BNC2: variants seen among roughly 807,000 people sequenced by gnomAD.
BNC2 encodes the protein basonuclin zinc finger protein 2.
BNC2 carries 20 observed loss-of-function variants against 76.3 expected under a neutral mutation model. That is an observed-to-expected ratio of 0.26 (90% CI 0.18 to 0.38). The LOEUF (loss-of-function observed/expected upper bound fraction) is 0.38. BNC2 is among the 10% of genes least tolerant of loss of function. The pLI, the probability that BNC2 is intolerant of heterozygous loss-of-function variation, is 1.00. For synonymous variants in BNC2, 582 were observed against 514.8 expected (o/e 1.13, Z -1.77); for missense variants, 1,382 against 1,399.8 (o/e 0.99, Z 0.20).
chr9:16,631,694 TA>T (rs1821166349), intron 3 of BNC2, among the ~76,000 whole-genome samples: 1 of 152,108 alleles, frequency 6.6e-6, no homozygotes, highest in Admixed American at 6.6e-5. Flanking sequence ...TGAACAAATA[TA>T]AGGAAAAGCA....
At chr9:16,476,413 T>C (rs1239164739) in intron 5 of BNC2, among the ~76,000 whole-genome samples, 3 of 152,146 alleles carry the variant, frequency 2.0e-5, no homozygotes, top group African/African-American at 7.2e-5. Flanking sequence ...CAGGCCATGC[T>C]TCTCCAAGTA....
intron 5 of BNC2, among the ~76,000 whole-genome samples, chr9:16,501,533 CA>C (rs1822517532): frequency 6.6e-6 from 1 of 152,144 alleles, no homozygotes; most frequent in East Asian, 1.9e-4. Context: ...ACCTTAGAGT[CA>C]GATGACTTCA....
At chr9:16,833,131 G>A (rs1416010356) in intron 1 of BNC2, among the ~76,000 whole-genome samples, 2 of 151,968 alleles carry the variant, frequency 1.3e-5, no homozygotes, top group Non-Finnish European at 2.9e-5. Context: ...AAACCCTCAG[G>A]AAAGTGATAT....
Position 16,416,380 on chromosome 9 carries a change from C to T in BNC2, c.*2609G>A, listed in dbSNP as rs1820584491. On this transcript the variant is annotated 3_prime_UTR_variant, in exon 7 of 7. Transcript: ENST00000380672. ...TTGGTAATGGGGCAACAGCACAACACAGAGAACGCTGAGAGGACCAAAATG... is the reference window on the plus strand; with the variant it reads ...TTGGTAATGGGGCAACAGCACAACATAGAGAACGCTGAGAGGACCAAAATG... 1 of 152,608 alleles carries T rather than the reference C, an allele frequency of 6.6e-6. No homozygotes were observed. The allele number at this position is 152,608 out of a possible 1,614,324, so 9.5% of individuals were successfully genotyped here.
At chr9:16,613,903 A>T (rs757300117) in intron 3 of BNC2, among the ~76,000 whole-genome samples, 2 of 151,948 alleles carry the variant, frequency 1.3e-5, no homozygotes, top group Non-Finnish European at 2.9e-5. Flanking sequence ...CCTCGATGAC[A>T]TCATGAGACA....
At chr9:16,651,234 T>C (rs961008899) in intron 3 of BNC2, among the ~76,000 whole-genome samples, 1 of 152,236 alleles carries the variant, frequency 6.6e-6, no homozygotes, top group African/African-American at 2.4e-5. Context: ...ATCAGGTAGA[T>C]ATTACATCAT....
chr9:16,799,565 T>C (rs954536321), intron 1 of BNC2, among the ~76,000 whole-genome samples: 1 of 152,112 alleles, frequency 6.6e-6, no homozygotes, highest in African/African-American at 2.4e-5. Flanking sequence ...TCTGCCCACC[T>C]TGGCATCAGA....
Position 16,751,596 on chromosome 9 carries a change from C to G in BNC2, c.4-13111G>C, listed in dbSNP as rs564774347. On this transcript the variant is annotated intron_variant, in intron 1 of 6. Transcript: ENST00000380672. ...GTTCTAGAAATATAAAGCTGCTGTC[C>G]CCAGCACAAATATATATATGTGTAT... is the stretch of plus-strand genomic sequence containing the variant. Among the ~76,000 whole-genome samples the G allele has an allele frequency of 9.6e-5, 6 of 62,634 alleles. 1 individual carries two copies. The Admixed American group carries it at 1.1e-3, about 11-fold the overall frequency. The allele number at this position is 62,634 out of a possible 152,430, so 41.1% of individuals were successfully genotyped here. A position where few individuals can be genotyped will look rare whatever the true frequency, so the allele number is the denominator to read the frequency against.
intron 5 of BNC2, among the ~76,000 whole-genome samples, chr9:16,504,177 T>TA (rs893277635): frequency 6.6e-6 from 1 of 151,858 alleles, no homozygotes; most frequent in Non-Finnish European, 1.5e-5. Context: ...TCCTACACTG[T>TA]ATGTGAAAAT....
intron 5 of BNC2, among the ~76,000 whole-genome samples, chr9:16,454,984 G>A (rs1292447482): frequency 6.6e-6 from 1 of 152,154 alleles, no homozygotes; most frequent in African/African-American, 2.4e-5. Context: ...TAAATGGCAA[G>A]AGAGAAAAAG....
chr9:16,851,712 C>T (rs1398379885), intron 1 of BNC2, among the ~76,000 whole-genome samples: 1 of 152,008 alleles, frequency 6.6e-6, no homozygotes, highest in African/African-American at 2.4e-5. Context: ...CCAAAGAAGC[C>T]AGTGAAGCAT....
At position 16,767,957 on chromosome 9, in the gene BNC2, G is replaced by A. The variant is rs533729231; in HGVS notation, c.4-29472C>T. Among the ~76,000 whole-genome samples the A allele has an allele frequency of 1.1e-4, 16 of 148,830 alleles. No homozygotes were observed. In the South Asian group the frequency reaches 3.4e-3, roughly 32 times the overall value. On this transcript the variant is annotated intron_variant, in intron 1 of 6. Transcript: ENST00000380672. ...ATCAGGGCAAGAAGTGAAGAGGCAGGTTATGCAATTTTTTTTTTTTTTTTT... is the reference window on the plus strand; with the variant it reads ...ATCAGGGCAAGAAGTGAAGAGGCAGATTATGCAATTTTTTTTTTTTTTTTT...
chr9:16,762,959 A>T (rs1285040653), intron 1 of BNC2, among the ~76,000 whole-genome samples: 1 of 152,154 alleles, frequency 6.6e-6, no homozygotes, highest in Non-Finnish European at 1.5e-5. Context: ...TCCAGTGTAC[A>T]TAATAGAAAA....
chr9:16,845,602 T>C (rs1018612803), intron 1 of BNC2, among the ~76,000 whole-genome samples: 6 of 151,958 alleles, frequency 3.9e-5, no homozygotes, highest in African/African-American at 1.2e-4. Context: ...GGGCCTGTAG[T>C]CCCAGCTACT....
intron 5 of BNC2, among the ~76,000 whole-genome samples, chr9:16,516,480 T>A (rs2086339685): frequency 6.6e-6 from 1 of 152,046 alleles, no homozygotes; most frequent in Non-Finnish European, 1.5e-5. Flanking sequence ...CTGAGATAAA[T>A]ATCACTTATG....
At chr9:16,472,186 C>T (rs1416692118) in intron 5 of BNC2, among the ~76,000 whole-genome samples, 1 of 152,142 alleles carries the variant, frequency 6.6e-6, no homozygotes, top group Non-Finnish European at 1.5e-5. Context: ...ACTATATTGT[C>T]CTGTAGTAAC....
intron 3 of BNC2, among the ~76,000 whole-genome samples, chr9:16,677,496 C>A (rs759558203): frequency 1.1e-4 from 16 of 151,884 alleles, no homozygotes; most frequent in Non-Finnish European, 1.9e-4. Context: ...TTGCTTGGAC[C>A]TCGGAGGTGG....
intron 3 of BNC2, among the ~76,000 whole-genome samples, chr9:16,599,354 C>T (rs1176114766): frequency 1.3e-5 from 2 of 152,182 alleles, no homozygotes; most frequent in African/African-American, 2.4e-5. Flanking sequence ...AAATTCAATA[C>T]TCTCTCTTGC....
intron 2 of BNC2, among the ~76,000 whole-genome samples, chr9:16,736,974 T>C (rs1226175973): frequency 6.7e-6 from 1 of 150,056 alleles, no homozygotes; most frequent in Admixed American, 6.6e-5. Context: ...GCCCGGCTAA[T>C]TTTGTATTTT....
Sources: allele counts gnomAD v4.1 joint callset (sites outside exome capture counted in the v4.1 genomes callset), GRCh38; gene constraint gnomAD v4.1.1; transcripts MANE v1.5; gene names NCBI Gene and HGNC (gene_info 2026-07-23, HGNC 2026-07-21).